FHIT: variants seen among roughly 807,000 people sequenced by gnomAD.
FHIT encodes fragile histidine triad diadenosine triphosphatase, also known as bis(5'-adenosyl)-triphosphatase.
FHIT carries 19 observed loss-of-function variants against 17.9 expected under a neutral mutation model. The observed-to-expected ratio is 1.06, with a 90% CI of 0.74 to 1.56. The LOEUF is 1.56. Ranked by LOEUF, FHIT falls within the 40% of genes most tolerant of loss-of-function variation. The pLI is 0.00. For missense variants in FHIT, 248 were observed against 189.2 expected (o/e 1.31, Z -1.82); for synonymous variants, 81 against 69.7 (o/e 1.16, Z -0.81).
At chr3:60,482,282 G>C (rs976271194) in intron 5 of FHIT, among the ~76,000 whole-genome samples, 4 of 152,210 alleles carry the variant, frequency 2.6e-5, no homozygotes, top group African/African-American at 9.6e-5. Context: ...AAATTAATGA[G>C]GATATTCAGG....
At chr3:59,780,108 T>A (rs1013895653) in intron 8 of FHIT, among the ~76,000 whole-genome samples, 4 of 152,204 alleles carry the variant, frequency 2.6e-5, no homozygotes, top group Non-Finnish European at 5.9e-5. Flanking sequence ...TCCTGCCATG[T>A]CGCTGGATTT....
chr3:60,105,562 T>G (rs558154611), intron 5 of FHIT, among the ~76,000 whole-genome samples: 2 of 152,272 alleles, frequency 1.3e-5, no homozygotes, highest in East Asian at 3.9e-4. Flanking sequence ...TATAAGAATA[T>G]TGCAACACCA....
At chr3:61,054,698 T>C (rs771496062) in intron 2 of FHIT, among the ~76,000 whole-genome samples, 5 of 152,196 alleles carry the variant, frequency 3.3e-5, no homozygotes, top group Non-Finnish European at 5.9e-5. Context: ...TAGACATTTC[T>C]ACCTCTGTGC....
At chr3:60,298,549 T>C (rs1162755156) in intron 5 of FHIT, among the ~76,000 whole-genome samples, 2 of 152,188 alleles carry the variant, frequency 1.3e-5, no homozygotes, top group Non-Finnish European at 2.9e-5. Flanking sequence ...TCTTTGACTT[T>C]TTCCCAACCG....
intron 5 of FHIT, among the ~76,000 whole-genome samples, chr3:60,387,023 C>CTTT (rs71627536): frequency 1.5e-5 from 2 of 136,408 alleles, no homozygotes; most frequent in Non-Finnish European, 3.1e-5. Context: ...TCTATTTATT[C>CTTT]TTTTTTTTTT....
intron 8 of FHIT, among the ~76,000 whole-genome samples, chr3:59,803,498 T>C (rs35342045): frequency 0.063 from 9,636 of 152,194 alleles, 987 homozygotes; most frequent in African/African-American, 0.22. Context: ...CGGGTCTCAT[T>C]AGAGTGGGGG....
At chr3:60,485,040 A>G (rs182985425) in intron 5 of FHIT, among the ~76,000 whole-genome samples, 1 of 152,312 alleles carries the variant, frequency 6.6e-6, no homozygotes, top group East Asian at 1.9e-4. Flanking sequence ...TAACCAACAA[A>G]CATATGAAAA....
chr3:60,042,954 A>G (rs1353856992), intron 5 of FHIT, among the ~76,000 whole-genome samples: 1 of 152,156 alleles, frequency 6.6e-6, no homozygotes, highest in Non-Finnish European at 1.5e-5. Context: ...TGAAGTGTCT[A>G]CTGTGGCAAG....
chr3:60,616,449 C>T (rs1332907092), intron 4 of FHIT, among the ~76,000 whole-genome samples: 12 of 152,124 alleles, frequency 7.9e-5, no homozygotes, highest in Admixed American at 7.9e-4. Context: ...TTTAATTATA[C>T]AAGTAATACA....
intron 5 of FHIT, among the ~76,000 whole-genome samples, chr3:60,242,757 G>C (rs892998183): frequency 6.6e-6 from 1 of 152,054 alleles, no homozygotes; most frequent in Admixed American, 6.6e-5. Context: ...TTGGTTAGAA[G>C]ATGGTCATAA....
At chr3:59,760,496 C>A (rs1200140989) in intron 8 of FHIT, among the ~76,000 whole-genome samples, 1 of 151,768 alleles carries the variant, frequency 6.6e-6, no homozygotes, top group African/African-American at 2.4e-5. Flanking sequence ...TGCTATGTAC[C>A]CTATATAAAC....
At chr3:60,690,531 C>A (rs1398145510) in intron 4 of FHIT, 1 of 559,134 alleles carries the variant, frequency 1.8e-6, no homozygotes, top group Admixed American at 1.9e-5. Context: ...AGTCACCACC[C>A]TGACATACAA....
intron 4 of FHIT, among the ~76,000 whole-genome samples, chr3:60,667,151 A>G (rs979023634): frequency 6.8e-6 from 1 of 148,042 alleles, no homozygotes; most frequent in Non-Finnish European, 1.5e-5. Context: ...GATTACAGGC[A>G]TGAGCCACCA....
At chr3:59,956,865 G>A (rs781782691) in intron 7 of FHIT, among the ~76,000 whole-genome samples, 2 of 152,144 alleles carry the variant, frequency 1.3e-5, no homozygotes, top group Non-Finnish European at 2.9e-5. Context: ...TCATCCTTTA[G>A]TTCTCATCTT....
chr3:61,066,083 G>A (rs945126961), intron 2 of FHIT, among the ~76,000 whole-genome samples: 1 of 152,180 alleles, frequency 6.6e-6, no homozygotes, highest in Non-Finnish European at 1.5e-5. Context: ...ACCACATGAT[G>A]AGAAACAGCA....
At chr3:60,121,977 CCTG>C (rs1705278252) in intron 5 of FHIT, among the ~76,000 whole-genome samples, 1 of 152,046 alleles carries the variant, frequency 6.6e-6, no homozygotes, top group Non-Finnish European at 1.5e-5. Flanking sequence ...ATTTATCAGG[CCTG>C]CTAAGTATAA....
chr3:61,045,493 A>T (rs146723478), intron 2 of FHIT, among the ~76,000 whole-genome samples: 12 of 152,220 alleles, frequency 7.9e-5, no homozygotes, highest in African/African-American at 2.9e-4. Flanking sequence ...ATAAAGCAAG[A>T]CCTTAGAGAC....
At chr3:60,339,638 G>A (rs559099870) in intron 5 of FHIT, among the ~76,000 whole-genome samples, 117 of 152,256 alleles carry the variant, frequency 7.7e-4, no homozygotes, top group Non-Finnish European at 1.5e-3. Flanking sequence ...TCTGCCAGAA[G>A]GAAATATTTG....
At chr3:59,887,529 A>G (rs1703678825) in intron 8 of FHIT, among the ~76,000 whole-genome samples, 1 of 152,242 alleles carries the variant, frequency 6.6e-6, no homozygotes, top group Non-Finnish European at 1.5e-5. Context: ...ACAGATTAAA[A>G]GGGCACAAAC....
Sources: allele counts gnomAD v4.1 joint callset (sites outside exome capture counted in the v4.1 genomes callset), GRCh38; gene constraint gnomAD v4.1.1; transcripts MANE v1.5; gene names NCBI Gene and HGNC (gene_info 2026-07-23, HGNC 2026-07-21).